CFAP47: variants seen among roughly 807,000 people sequenced by gnomAD.
CFAP47 encodes the protein cilia and flagella associated protein 47, also known as cilia- and flagella-associated protein 47.
A neutral mutation model predicts 148.1 loss-of-function variants in CFAP47; 29 were observed. That is an observed-to-expected ratio of 0.20 (90% CI 0.15 to 0.27). The LOEUF (loss-of-function observed/expected upper bound fraction) is 0.27, where lower values mean the gene tolerates loss of function less well. CFAP47 is among the 10% of genes least tolerant of loss of function. CFAP47 has a pLI of 1.00. For missense variants in CFAP47, 1,872 were observed against 1,697.5 expected (o/e 1.10, Z -1.81); for synonymous variants, 664 against 577.3 (o/e 1.15, Z -2.15).
chrX:36,365,480 T>G (rs1389699029), intron 61 of CFAP47: 1 of 111,069 alleles, frequency 9.0e-6, no homozygotes, highest in Non-Finnish European at 1.9e-5. Context: ...TCTTTTCTGT[T>G]TTAAAACCTT....
intron 30 of CFAP47, among the ~76,000 whole-genome samples, chrX:36,094,313 C>T (rs758542559): frequency 9.0e-6 from 1 of 111,098 alleles, no homozygotes; most frequent in African/African-American, 3.3e-5. Flanking sequence ...AGTGATTCCT[C>T]CAGTTTTGTT....
intron 57 of CFAP47, among the ~76,000 whole-genome samples, chrX:36,322,889 T>C (rs1334868000): frequency 2.7e-5 from 3 of 111,123 alleles, no homozygotes; most frequent in African/African-American, 9.8e-5. Context: ...ATATTTTACA[T>C]GCTATAATAC....
chrX:36,133,748 G>A (rs1164338761), intron 33 of CFAP47, among the ~76,000 whole-genome samples: 2 of 105,597 alleles, frequency 1.9e-5, no homozygotes, highest in Non-Finnish European at 3.9e-5. Flanking sequence ...TTAATTTAAG[G>A]ACAACAGATA....
At chrX:36,301,848 AT>A (rs1941301450) in intron 53 of CFAP47, among the ~76,000 whole-genome samples, 1 of 110,739 alleles carries the variant, frequency 9.0e-6, no homozygotes, top group Middle Eastern at 4.2e-3. Context: ...AGTTCCTACT[AT>A]TTATCAAGTT....
At chrX:36,245,371 C>T (rs1940602116) in intron 48 of CFAP47, among the ~76,000 whole-genome samples, 1 of 111,652 alleles carries the variant, frequency 9.0e-6, no homozygotes, top group East Asian at 2.8e-4. Context: ...TAAAAGGCAT[C>T]CAAATGACAA....
chrX:36,239,665 A>G (rs1555995623), intron 48 of CFAP47, among the ~76,000 whole-genome samples: 2 of 111,955 alleles, frequency 1.8e-5, no homozygotes, highest in Non-Finnish European at 3.8e-5. Context: ...TGCAATAACA[A>G]TAGCAGCTAA....
At chrX:36,009,356 T>TA (rs1019303989) in intron 21 of CFAP47, among the ~76,000 whole-genome samples, 3 of 111,064 alleles carry the variant, frequency 2.7e-5, no homozygotes, top group Admixed American at 1.9e-4. Flanking sequence ...AGTGGAAAAA[T>TA]AAAAATGAGA....
intron 27 of CFAP47, among the ~76,000 whole-genome samples, chrX:36,070,957 T>TA (rs1937739845): frequency 8.9e-6 from 1 of 112,166 alleles, no homozygotes; most frequent in African/African-American, 3.2e-5. Context: ...TGCATGCAAT[T>TA]AAAAATGGGA....
chrX:35,924,284 T>C lies in CFAP47; in HGVS notation c.250-1733T>C, dbSNP rs145197893. On this transcript the variant is annotated intron_variant, in intron 1 of 63. Transcript: ENST00000378653. ...GTATGTGTACATGTATGTGTATATG[T>C]ACATGTATGTGTACACATATGTATA... Among the ~76,000 whole-genome samples the C allele has an allele frequency of 2.5e-4, 26 of 105,854 alleles. 1 individual carries two copies. The highest frequency in any genetic ancestry group is 7.7e-4 in the African/African-American group (21 of 27,392). The allele number at this position is 105,854 out of a possible 115,157, so 91.9% of individuals were successfully genotyped here.
intron 49 of CFAP47, among the ~76,000 whole-genome samples, chrX:36,254,358 A>T (rs964342894): frequency 4.5e-5 from 5 of 111,667 alleles, no homozygotes; most frequent in African/African-American, 1.6e-4. Context: ...GTGCAGAGTG[A>T]CATACAATTA....
At chrX:35,985,422 A>G (rs773097951) in intron 15 of CFAP47, among the ~76,000 whole-genome samples, 3 of 111,219 alleles carry the variant, frequency 2.7e-5, no homozygotes, top group Non-Finnish European at 5.7e-5. Flanking sequence ...GCCTGCACAC[A>G]TGTCCTGGCA....
intron 45 of CFAP47, among the ~76,000 whole-genome samples, chrX:36,214,618 A>G (rs1223624739): frequency 9.0e-6 from 1 of 111,134 alleles, no homozygotes; most frequent in African/African-American, 3.3e-5. Context: ...TTTTTACTTT[A>G]AAGTTTATTT....
chrX:36,103,455 C>T (rs768539937), intron 32 of CFAP47, among the ~76,000 whole-genome samples: 1 of 90,409 alleles, frequency 1.1e-5, no homozygotes, highest in South Asian at 6.6e-4. Context: ...TATCTTCTGG[C>T]GCTCCTACCT....
At chrX:36,280,715 C>A in intron 50 of CFAP47, 85 bp downstream of exon 50, 1 of 361,108 alleles carries the variant, frequency 2.8e-6, no homozygotes, top group Non-Finnish European at 4.8e-6. Flanking sequence ...ATAGTTTACA[C>A]GCATAATACA....
Position 36,104,435 on chromosome X carries a change from C to A in CFAP47, c.5128-64C>A. 3 of 438,688 alleles carry A rather than the reference C, an allele frequency of 6.8e-6. No homozygotes were observed. In the South Asian group the frequency reaches 2.4e-4, roughly 35 times the overall value. The allele number at this position is 438,688 out of a possible 1,213,427, so 36.2% of individuals were successfully genotyped here. The stretch of plus-strand genomic sequence containing the variant: ...CCTGTCATGTTTTTTAAAATTTTCT[C>A]TTCAAATATTAATTTGCTATTTTTC... On this transcript the variant is annotated intron_variant, in intron 32 of 63. Coordinates refer to ENST00000378653, the MANE Select transcript of CFAP47 (RefSeq NM_001304548.2).
intron 63 of CFAP47, among the ~76,000 whole-genome samples, chrX:36,381,325 A>C (rs1347814577): frequency 2.7e-5 from 3 of 111,956 alleles, no homozygotes; most frequent in Non-Finnish European, 5.6e-5. Context: ...TTTCTAGAAC[A>C]TTATATAAAT....
chrX:35,952,215 C>A (rs1936177511), intron 6 of CFAP47, among the ~76,000 whole-genome samples: 1 of 111,427 alleles, frequency 9.0e-6, no homozygotes, highest in Admixed American at 9.6e-5. Context: ...GGTGGAAGTG[C>A]AAGTTTTGAG....
intron 21 of CFAP47, among the ~76,000 whole-genome samples, chrX:36,006,626 G>T (rs190246488): frequency 1.3e-3 from 142 of 112,145 alleles, no homozygotes; most frequent in African/African-American, 4.4e-3. Flanking sequence ...ATACATGATT[G>T]ATTTATTGTT....
intron 39 of CFAP47, among the ~76,000 whole-genome samples, chrX:36,168,335 A>G (rs969393316): frequency 9.1e-6 from 1 of 110,478 alleles, no homozygotes; most frequent in Admixed American, 9.7e-5. Context: ...TTACTTCATG[A>G]TTTTCTAATT....
Sources: gnomAD v4.1 joint callset for allele counts (sites outside exome capture counted in the v4.1 genomes callset) on GRCh38, gnomAD v4.1.1 for gene constraint, MANE v1.5 for transcripts, NCBI Gene and HGNC (gene_info 2026-07-23, HGNC 2026-07-21) for gene names.